Variants in SPINDOC observed in about 807,000 individuals in gnomAD.
SPINDOC encodes the protein spindlin interactor and repressor of chromatin binding.
A neutral mutation model predicts 30.7 loss-of-function variants in SPINDOC; 13 were observed. The observed-to-expected ratio is 0.42, with a 90% CI of 0.28 to 0.67. The LOEUF is 0.67. Among genes scored for constraint, SPINDOC ranks in the 30% least tolerant of loss-of-function variants. The pLI is 0.22. For missense variants in SPINDOC, 438 were observed against 518.0 expected, an observed-to-expected ratio of 0.85 and a Z score of 1.50; for synonymous variants, 228 against 211.4, an observed-to-expected ratio of 1.08 and a Z score of -0.68.
At chr11:63,825,055 A>G (rs986072734) in intron 5 of SPINDOC, among the ~76,000 whole-genome samples, 23 of 152,208 alleles carry the variant, frequency 1.5e-4, no homozygotes, top group African/African-American at 4.6e-4. Context: ...AACCTAAGCC[A>G]GGTCTCCTGG....
At position 63,827,180 on chromosome 11, in the gene SPINDOC, G is replaced by T; in HGVS notation, c.*41G>T. The stretch of plus-strand genomic sequence containing the variant: ...GGGAGGGAGGGAGGGATGAGGCAGC[G>T]TCCCCCAGTGGCTTATAACTCAGAG... On this transcript the variant is annotated 3_prime_UTR_variant, in exon 6 of 6. Coordinates refer to ENST00000294244, the MANE Select transcript of SPINDOC (RefSeq NM_138471.3). 1 of 1,601,046 alleles carries T rather than the reference G, an allele frequency of 6.2e-7. No individual in the cohort carries two copies. Among genetic ancestry groups the T allele is most frequent in the Non-Finnish European group, 8.5e-7 (1 of 1,173,804 alleles).
chr11:63,820,659 A>T (rs2015490220), intron 5 of SPINDOC, among the ~76,000 whole-genome samples: 1 of 151,584 alleles, frequency 6.6e-6, no homozygotes, highest in Admixed American at 6.6e-5. Flanking sequence ...TGGGAGGCTG[A>T]GACGGGCGGA....
At position 63,816,383 on chromosome 11, in the gene SPINDOC, C is replaced by T. The variant is rs185998151; in HGVS notation, c.128-1422C>T. Among the ~76,000 whole-genome samples the T allele has an allele frequency of 5.3e-5, 8 of 152,184 alleles. No homozygotes were observed. In the East Asian group the frequency reaches 5.8e-4, roughly 11 times the overall value. The stretch of plus-strand genomic sequence containing the variant: ...CAGAGGATGAAGTTGAGAAACTGAC[C>T]GCAGAGTTTAGCACTGCTGACTTGG... On this transcript the variant is annotated intron_variant, in intron 1 of 5. Transcript: ENST00000294244.
intron 1 of SPINDOC, among the ~76,000 whole-genome samples, chr11:63,815,584 C>T (rs1328349931): frequency 1.3e-5 from 2 of 152,130 alleles, no homozygotes; most frequent in Admixed American, 1.3e-4. Context: ...AGCAGGCAGA[C>T]AGTGGGAAGA....
rs1230474233 is a variant in SPINDOC, at chr11:63,818,182, C to T, written c.458-34C>T. On this transcript the variant is annotated intron_variant, in intron 2 of 5. Coordinates refer to ENST00000294244, the MANE Select transcript of SPINDOC (RefSeq NM_138471.3). This position sits in a 1 kb window ranked among gnomAD's most constrained non-coding sequence, Gnocchi z 5.3. ...AAGGGAGAAGTCGGACTTGTTGGGGCACTAGAAGCTCATTGTGCTCTTGCT... is the reference window on the plus strand; with the variant it reads ...AAGGGAGAAGTCGGACTTGTTGGGGTACTAGAAGCTCATTGTGCTCTTGCT... The T allele has an allele frequency of 5.0e-6, 8 of 1,613,382 alleles. No individual in the cohort carries two copies. Among genetic ancestry groups the T allele is most frequent in the Non-Finnish European group, 6.8e-6 (8 of 1,179,456 alleles).
chr11:63,819,413 G>C (rs1002870820), intron 5 of SPINDOC, among the ~76,000 whole-genome samples: 6 of 151,410 alleles, frequency 4.0e-5, no homozygotes, highest in Non-Finnish European at 5.9e-5. Context: ...GTTTTCCCAT[G>C]TTGGCCAGGT....
chr11:63,822,994 T>TC, intron 5 of SPINDOC: 2 of 1,052,904 alleles, frequency 1.9e-6, no homozygotes, highest in Middle Eastern at 2.6e-4. Flanking sequence ...GTGGCAGCCT[T>TC]CGTGGAGGTT....
intron 5 of SPINDOC, among the ~76,000 whole-genome samples, chr11:63,826,009 G>A (rs1243699574): frequency 1.3e-5 from 2 of 151,810 alleles, no homozygotes; most frequent in African/African-American, 4.8e-5. Flanking sequence ...CGTGATCTTG[G>A]CTCACTGCAA....
At chr11:63,823,240 C>T (rs577225113) in intron 5 of SPINDOC, 1 of 1,287,094 alleles carries the variant, frequency 7.8e-7, no homozygotes. Flanking sequence ...CTCACGAACC[C>T]AAAGCTTGGA....
At chr11:63,816,708 C>A (rs772109452) in intron 1 of SPINDOC, among the ~76,000 whole-genome samples, 42 of 152,198 alleles carry the variant, frequency 2.8e-4, no homozygotes, top group Non-Finnish European at 5.6e-4. Flanking sequence ...CAGGCTGATG[C>A]AGGTCTAAGG....
chr11:63,819,253 C>T (rs1237562988), intron 5 of SPINDOC, among the ~76,000 whole-genome samples: 2 of 152,264 alleles, frequency 1.3e-5, no homozygotes, highest in Admixed American at 6.5e-5. Flanking sequence ...CTCTGTTGCC[C>T]AGGCTGGCAT....
In SPINDOC at chr11:63,818,115, G is replaced by C; in HGVS notation, c.438G>C (p.Gln146His). The change falls in exon 2 of 6, where the codon CAG becomes CAC. Residue 146 changes from glutamine (Q) to histidine (H), a missense_variant. By Grantham distance (24) the Gln-to-His change is conservative (BLOSUM62 0). Around this residue, in one of 3 missense-constraint regions of SPINDOC, gnomAD observed 300 missense variants for 332.8 expected, o/e 0.90. Transcript: ENST00000294244. The surrounding 1 kb of genome is among the most constrained non-coding windows in gnomAD (Gnocchi z 5.3). The part of the protein sequence containing the change: ...VALLQDVRAE[Q>H]PSPPNSDSGQ... ...TCTTGCAAGACGTGAGAGCTGAGCA[G>C]CCGTCCCCACCCAACTCAGGTAGTT... 6.2e-7 allele frequency: 1 copy of C among 1,614,054 alleles called. No individual in the cohort carries two copies. The highest frequency in any genetic ancestry group is 1.1e-5 in the South Asian group (1 of 91,080).
Position 63,813,678 on chromosome 11 carries a change from G to T in SPINDOC, c.-9G>T. The T allele has an allele frequency of 6.4e-7, 1 of 1,553,300 alleles. No individual in the cohort carries two copies. Among genetic ancestry groups the T allele is most frequent in the East Asian group, 2.5e-5 (1 of 39,622 alleles). ...TCCTCCGGCCACTGCTATCGCCCACGGCCGCACCATGGCCCTAAAGGCCGA... is the reference window on the plus strand; with the variant it reads ...TCCTCCGGCCACTGCTATCGCCCACTGCCGCACCATGGCCCTAAAGGCCGA... On this transcript the variant is annotated 5_prime_UTR_variant, in exon 1 of 6. Transcript: ENST00000294244.
rs117611031 is a variant in SPINDOC at position 63,816,957 on chromosome 11, C to T, written c.128-848C>T. ...CTGAAGCAGGAGGATTGCTTGAGCCCGGGAGTTCACAACCAGCCTGGGCAA... is the reference window on the plus strand; with the variant it reads ...CTGAAGCAGGAGGATTGCTTGAGCCTGGGAGTTCACAACCAGCCTGGGCAA... On this transcript the variant is annotated intron_variant, in intron 1 of 5. Transcript: ENST00000294244. Among the ~76,000 whole-genome samples the T allele has an allele frequency of 7.1e-3, 1,077 of 152,142 alleles. 5 individuals are homozygous for T. The highest frequency in any genetic ancestry group is 0.012 in the African/African-American group (481 of 41,492).
Position 63,817,965 on chromosome 11 carries a change from T to C in SPINDOC, c.288T>C (p.Ala96=). The change falls in exon 2 of 6, where the codon GCT becomes GCC. Residue 96 remains alanine (A), a synonymous_variant. Coordinates refer to ENST00000294244, the MANE Select transcript of SPINDOC (RefSeq NM_138471.3). ...GGGCACTGTGCATGGTGTGTGGCGC[T>C]GAGATCCGGGCACCCTCGGCCGACA... The part of the protein sequence containing the change: ...SGRALCMVCG[A]EIRAPSADTA... 1 of 1,614,084 alleles carries C rather than the reference T, an allele frequency of 6.2e-7. No homozygotes were observed. Among genetic ancestry groups the C allele is most frequent in the Non-Finnish European group, 8.5e-7 (1 of 1,180,000 alleles).
rs1197416792 is a variant in SPINDOC at position 63,822,694 on chromosome 11, C to G, written c.934+3692C>G. ...ACCGAGTGTGCTGCTTGGACTTGAG[C>G]GTGTCCCGAGTCTCCTGGTCCTCTC... On this transcript the variant is annotated intron_variant, in intron 5 of 5. Transcript: ENST00000294244. 8.5e-6 allele frequency: 11 copies of G among 1,288,588 alleles called. No individual in the cohort carries two copies. In the Admixed American group the frequency reaches 1.1e-4, roughly 13 times the overall value. 79.8% of individuals were successfully genotyped at this position (1,288,588 alleles called of 1,614,324 possible). A position where few individuals can be genotyped will look rare whatever the true frequency, so the allele number is the denominator to read the frequency against.
At chr11:63,817,221 C>T (rs1430204548) in intron 1 of SPINDOC, among the ~76,000 whole-genome samples, 2 of 151,712 alleles carry the variant, frequency 1.3e-5, no homozygotes, top group Non-Finnish European at 2.9e-5. Context: ...TGGCGCTCAC[C>T]TGTAGTCCCA....
At position 63,825,616 on chromosome 11, in the gene SPINDOC, A is replaced by G. The variant is rs929511395; in HGVS notation, c.935-1312A>G. The stretch of plus-strand genomic sequence containing the variant: ...GCAATCCAAACGGCATTGGGCATAT[A>G]GTACTCAATAAATTATTGTCAAATT... On this transcript the variant is annotated intron_variant, in intron 5 of 5. Coordinates refer to ENST00000294244, the MANE Select transcript of SPINDOC (RefSeq NM_138471.3). 3.3e-5 allele frequency among the ~76,000 whole-genome samples: 5 copies of G among 152,206 alleles called. No homozygotes were observed. The South Asian group carries it at 1.0e-3, about 31-fold the overall frequency.
intron 5 of SPINDOC, among the ~76,000 whole-genome samples, chr11:63,820,598 C>A (rs1360053660): frequency 6.6e-6 from 1 of 151,802 alleles, no homozygotes; most frequent in Non-Finnish European, 1.5e-5. Context: ...TGGCTTAAAA[C>A]AACACACATC....
Sources: gnomAD v4.1 joint callset for allele counts (sites outside exome capture counted in the v4.1 genomes callset) on GRCh38, gnomAD v4.1.1 for gene constraint, gnomAD v4.1.1 regional missense constraint, Gnocchi (gnomAD v3.1) non-coding constraint, MANE v1.5 for transcripts, NCBI Gene and HGNC (gene_info 2026-07-23, HGNC 2026-07-21) for gene names.